The following MKLN1 variants were observed in gnomAD, a reference collection of about 807,000 sequenced individuals.
MKLN1 encodes the protein muskelin.
In MKLN1, 18 loss-of-function variants were observed where a neutral mutation model predicts 99.0. The ratio of observed to expected loss-of-function variants is 0.18; its 90% CI spans 0.13 to 0.27. MKLN1 has a LOEUF of 0.27. MKLN1 is among the 10% of genes least tolerant of loss of function. The pLI, the probability that MKLN1 is intolerant of heterozygous loss-of-function variation, is 1.00. For missense variants in MKLN1, 621 were observed against 875.9 expected (o/e 0.71, Z 3.67); for synonymous variants, 288 against 293.2 (o/e 0.98, Z 0.18).
At chr7:131,236,490 G>A (rs1204768610) in intron 3 of MKLN1, among the ~76,000 whole-genome samples, 1 of 151,998 alleles carries the variant, frequency 6.6e-6, no homozygotes, top group African/African-American at 2.4e-5. Context: ...GTGAAACCCC[G>A]ACTCTACTAA....
Position 131,496,436 on chromosome 7 carries a change from T to C in MKLN1, c.*8708T>C, listed in dbSNP as rs1797563242. 6.6e-6 allele frequency: 1 copy of C among 152,134 alleles called. No homozygotes were observed. The highest frequency in any genetic ancestry group is 2.4e-5 in the African/African-American group (1 of 41,382). The allele number at this position is 152,134 out of a possible 1,614,324, so 9.4% of individuals were successfully genotyped here. ...CTTTTATCCAATCTGTATGGACTTT[T>C]TAGGATTTTTTTTTTCTTATAGTAC... On this transcript the variant is annotated 3_prime_UTR_variant, in exon 18 of 18. Coordinates refer to ENST00000352689, the MANE Select transcript of MKLN1 (RefSeq NM_013255.5).
At chr7:131,242,084 G>A (rs1421604455) in intron 3 of MKLN1, among the ~76,000 whole-genome samples, 1 of 152,192 alleles carries the variant, frequency 6.6e-6, no homozygotes, top group Non-Finnish European at 1.5e-5. Flanking sequence ...TAATAATGTT[G>A]CAAAACACCT....
chr7:131,267,125 G>C (rs1019045346), intron 3 of MKLN1, among the ~76,000 whole-genome samples: 2 of 151,982 alleles, frequency 1.3e-5, no homozygotes, highest in African/African-American at 4.8e-5. Flanking sequence ...TTGAGGTCAG[G>C]AGTTTGAGAC....
chr7:131,273,858 G>A (rs1006439911), intron 3 of MKLN1, among the ~76,000 whole-genome samples: 4 of 151,868 alleles, frequency 2.6e-5, no homozygotes, highest in Non-Finnish European at 4.4e-5. Context: ...ATCCTGCCTC[G>A]GCCTCTCAAA....
intron 6 of MKLN1, among the ~76,000 whole-genome samples, chr7:131,401,114 T>G (rs1029079159): frequency 2.6e-5 from 4 of 152,144 alleles, no homozygotes; most frequent in African/African-American, 9.7e-5. Flanking sequence ...TAGGAAGATC[T>G]AGGGAATCAA....
chr7:131,143,659 C>G (rs1461759282), intron 2 of MKLN1, among the ~76,000 whole-genome samples: 1 of 151,936 alleles, frequency 6.6e-6, no homozygotes, highest in Admixed American at 6.6e-5. Flanking sequence ...GACCCCATCT[C>G]TACAAAAATT....
At chr7:131,420,295 G>GAGC (rs749553956) in intron 8 of MKLN1, among the ~76,000 whole-genome samples, 10 of 151,866 alleles carry the variant, frequency 6.6e-5, no homozygotes, top group Admixed American at 2.6e-4. Context: ...GAGAGAGGGG[G>GAGC]AGCACATGGT....
intron 1 of MKLN1, among the ~76,000 whole-genome samples, chr7:131,363,852 T>C: frequency 6.6e-6 from 1 of 151,994 alleles, no homozygotes; most frequent in East Asian, 1.9e-4. Context: ...ACAATTCTAC[T>C]TGTTTATTTT....
intron 3 of MKLN1, among the ~76,000 whole-genome samples, chr7:131,307,917 C>A (rs1238807585): frequency 6.6e-6 from 1 of 152,088 alleles, no homozygotes; most frequent in Non-Finnish European, 1.5e-5. Context: ...TGGGGAGGGG[C>A]CAGGGGCAGA....
intron 3 of MKLN1, among the ~76,000 whole-genome samples, chr7:131,265,884 T>C (rs573249202): frequency 1.3e-5 from 2 of 152,148 alleles, no homozygotes; most frequent in East Asian, 3.9e-4. Flanking sequence ...GAAGACTTCA[T>C]CTCATATTCA....
intron 3 of MKLN1, among the ~76,000 whole-genome samples, chr7:131,270,856 A>G (rs1018509332): frequency 5.4e-5 from 8 of 149,156 alleles, no homozygotes; most frequent in Admixed American, 4.6e-4. Context: ...ATAACCTTGA[A>G]TCACCTTTTT....
intron 2 of MKLN1, among the ~76,000 whole-genome samples, chr7:131,161,959 GTGTGTATATATATA>G (rs1197360782): frequency 0.044 from 3,000 of 67,810 alleles, 55 homozygotes; most frequent in South Asian, 0.15. Context: ...ACGTGTGTGT[GTGTGTATATATATA>G]TATATATATA....
At chr7:131,258,781 C>A (rs1797692903) in intron 3 of MKLN1, among the ~76,000 whole-genome samples, 1 of 152,032 alleles carries the variant, frequency 6.6e-6, no homozygotes, top group Admixed American at 6.6e-5. Context: ...AATATCTATT[C>A]ATGAAAAAGA....
chr7:131,378,870 G>T (rs1793751923), intron 2 of MKLN1, among the ~76,000 whole-genome samples: 6 of 149,908 alleles, frequency 4.0e-5, no homozygotes, highest in Admixed American at 4.0e-4. Context: ...ACACACGCAC[G>T]CAAAGCTGGG....
intron 3 of MKLN1, among the ~76,000 whole-genome samples, chr7:131,215,484 A>C (rs1012428655): frequency 1.3e-5 from 2 of 152,036 alleles, no homozygotes; most frequent in African/African-American, 2.4e-5. Flanking sequence ...AGCTGGGACT[A>C]CAGACAAACA....
intron 1 of MKLN1, among the ~76,000 whole-genome samples, chr7:131,356,369 C>T (rs1177773054): frequency 6.6e-6 from 1 of 152,122 alleles, no homozygotes; most frequent in Non-Finnish European, 1.5e-5. Flanking sequence ...GCCTAACACT[C>T]CTGGTGTGCA....
intron 17 of MKLN1, among the ~76,000 whole-genome samples, chr7:131,480,187 C>T (rs73153500): frequency 0.02 from 3,015 of 152,226 alleles, 28 homozygotes; most frequent in Non-Finnish European, 0.03. Context: ...TCCCAGCTTT[C>T]CTCTGGTCAG....
Position 131,253,462 on chromosome 7 carries a change from C to T in MKLN1, c.-179+50488C>T, listed in dbSNP as rs990335626. Among the ~76,000 whole-genome samples, 7 of 152,178 alleles carry T rather than the reference C, an allele frequency of 4.6e-5. No individual in the cohort carries two copies. The South Asian group carries it at 1.4e-3, about 31-fold the overall frequency. On this transcript the variant is annotated intron_variant, in intron 3 of 7. Coordinates refer to the MKLN1 transcript ENST00000416992. Reference sequence around the variant, plus strand: ...CTCCAACAAGCCCCTACCTATAGGGCAGAAGCTCTCCCCCAGATACAGTAG... The same window carrying T: ...CTCCAACAAGCCCCTACCTATAGGGTAGAAGCTCTCCCCCAGATACAGTAG...
At chr7:131,307,977 A>T (rs1197417679) in intron 3 of MKLN1, among the ~76,000 whole-genome samples, 2 of 152,196 alleles carry the variant, frequency 1.3e-5, no homozygotes, top group Non-Finnish European at 2.9e-5. Context: ...CTCAAGTTGT[A>T]ATCCCCATGA....
Sources: allele counts gnomAD v4.1 joint callset (sites outside exome capture counted in the v4.1 genomes callset), GRCh38; gene constraint gnomAD v4.1.1; transcripts MANE v1.5; gene names NCBI Gene and HGNC (gene_info 2026-07-23, HGNC 2026-07-21).